Variants in ZFPM2 observed in about 807,000 individuals in gnomAD.
The protein encoded by ZFPM2 is zinc finger protein ZFPM2.
In ZFPM2, 20 loss-of-function variants were observed where a neutral mutation model predicts 98.6. That is an observed-to-expected ratio of 0.20 (90% CI 0.14 to 0.29). The LOEUF is 0.29. ZFPM2 is among the 10% of genes least tolerant of loss of function. The pLI is 1.00. For synonymous variants in ZFPM2, 518 were observed against 502.7 expected (o/e 1.03, Z -0.41); for missense variants, 1,310 against 1,388.6 (o/e 0.94, Z 0.90).
intron 3 of ZFPM2, among the ~76,000 whole-genome samples, chr8:105,524,753 C>A (rs1242284848): frequency 2.0e-5 from 3 of 152,004 alleles, no homozygotes; most frequent in Non-Finnish European, 4.4e-5. Flanking sequence ...TACGAGTGCC[C>A]TTATGTGGTT....
chr8:105,796,158 A>ATTTTC (rs557326934), intron 6 of ZFPM2, among the ~76,000 whole-genome samples: 3 of 151,166 alleles, frequency 2.0e-5, no homozygotes, highest in Middle Eastern at 3.4e-3. Context: ...AAATGTACTT[A>ATTTTC]TTTTCTTTCC....
intron 3 of ZFPM2, among the ~76,000 whole-genome samples, chr8:105,505,569 T>A (rs144301956): frequency 6.6e-6 from 1 of 152,234 alleles, no homozygotes; most frequent in Non-Finnish European, 1.5e-5. Flanking sequence ...TCTAATAAAG[T>A]CAGTAAAATA....
At chr8:105,479,124 TAA>T (rs1813067566) in intron 3 of ZFPM2, among the ~76,000 whole-genome samples, 2 of 152,206 alleles carry the variant, frequency 1.3e-5, no homozygotes, top group Admixed American at 6.5e-5. Flanking sequence ...CTGACGATGG[TAA>T]AGTCTCTGAT....
At chr8:105,663,384 A>G (rs770350404) in intron 5 of ZFPM2, among the ~76,000 whole-genome samples, 12 of 152,358 alleles carry the variant, frequency 7.9e-5, no homozygotes, top group South Asian at 6.2e-4. Flanking sequence ...CACTTGGATC[A>G]TTTATAAAGA....
chr8:105,732,380 G>A (rs1811960458), intron 5 of ZFPM2, among the ~76,000 whole-genome samples: 1 of 151,810 alleles, frequency 6.6e-6, no homozygotes, highest in African/African-American at 2.4e-5. Context: ...AGATGCAGGT[G>A]TGACATTTGA....
intron 3 of ZFPM2, among the ~76,000 whole-genome samples, chr8:105,500,424 T>C (rs531500956): frequency 6.6e-6 from 1 of 152,318 alleles, no homozygotes; most frequent in African/African-American, 2.4e-5. Context: ...CATTTTTATA[T>C]TTACAACTAA....
chr8:105,459,845 G>A (rs1812670892), intron 3 of ZFPM2, among the ~76,000 whole-genome samples: 1 of 152,134 alleles, frequency 6.6e-6, no homozygotes, highest in Non-Finnish European at 1.5e-5. Context: ...AGTTTTGGGG[G>A]AACACAGTTC....
intron 3 of ZFPM2, among the ~76,000 whole-genome samples, chr8:105,500,426 T>C (rs990714642): frequency 6.6e-6 from 1 of 152,208 alleles, no homozygotes; most frequent in Non-Finnish European, 1.5e-5. Flanking sequence ...TTTTTATATT[T>C]ACAACTAAAT....
At chr8:105,639,582 G>C (rs1361504740) in intron 5 of ZFPM2, among the ~76,000 whole-genome samples, 1 of 151,956 alleles carries the variant, frequency 6.6e-6, no homozygotes, top group Non-Finnish European at 1.5e-5. Flanking sequence ...CTCTAATCTT[G>C]ATTTTCTCAG....
chr8:105,791,983 TTTTC>T (rs1314031560), intron 6 of ZFPM2, among the ~76,000 whole-genome samples: 4 of 152,216 alleles, frequency 2.6e-5, no homozygotes, highest in African/African-American at 9.6e-5. Flanking sequence ...TTCTCTCTTT[TTTTC>T]TTTATTAGTC....
chr8:105,625,675 G>A (rs1394270110), intron 4 of ZFPM2, among the ~76,000 whole-genome samples: 1 of 151,682 alleles, frequency 6.6e-6, no homozygotes, highest in Non-Finnish European at 1.5e-5. Context: ...CCGCCTCCCA[G>A]GTTCAAGCAT....
chr8:105,524,501 TCACA>T (rs147562467), intron 3 of ZFPM2, among the ~76,000 whole-genome samples: 22 of 148,880 alleles, frequency 1.5e-4, no homozygotes, highest in African/African-American at 5.3e-4. Flanking sequence ...TCTCTCTCTC[TCACA>T]CACACACACA....
chr8:105,408,129 C>G (rs1453431149), intron 1 of ZFPM2, among the ~76,000 whole-genome samples: 1 of 151,842 alleles, frequency 6.6e-6, no homozygotes, highest in African/African-American at 2.4e-5. Context: ...CTACAGGTTG[C>G]GATTGCTTGA....
At chr8:105,401,369 C>G (rs1293100201) in intron 1 of ZFPM2, among the ~76,000 whole-genome samples, 1 of 151,910 alleles carries the variant, frequency 6.6e-6, no homozygotes, top group Non-Finnish European at 1.5e-5. Context: ...TAACATTCTG[C>G]TTGATGTTTA....
chr8:105,453,524 G>A (rs1251348395), intron 3 of ZFPM2, among the ~76,000 whole-genome samples: 1 of 152,074 alleles, frequency 6.6e-6, no homozygotes, highest in Non-Finnish European at 1.5e-5. Flanking sequence ...AGAGGGAAGA[G>A]TACAATGAAT....
intron 1 of ZFPM2, among the ~76,000 whole-genome samples, chr8:105,320,005 C>A (rs151029551): frequency 6.6e-6 from 1 of 152,084 alleles, no homozygotes; most frequent in Non-Finnish European, 1.5e-5. Flanking sequence ...TTATTTTTTG[C>A]TAGCTTTATG....
At chr8:105,458,433 A>C (rs890691426) in intron 3 of ZFPM2, among the ~76,000 whole-genome samples, 1 of 152,192 alleles carries the variant, frequency 6.6e-6, no homozygotes, top group Non-Finnish European at 1.5e-5. Flanking sequence ...AAAAAAAAAA[A>C]ATTTGTTTTC....
intron 3 of ZFPM2, among the ~76,000 whole-genome samples, chr8:105,488,486 G>C (rs1423880654): frequency 1.3e-5 from 2 of 152,132 alleles, no homozygotes; most frequent in African/African-American, 4.8e-5. Flanking sequence ...TAACAGCCGG[G>C]CGCGGTGGTT....
At chr8:105,384,338 C>G (rs986367720) in intron 1 of ZFPM2, among the ~76,000 whole-genome samples, 1 of 152,138 alleles carries the variant, frequency 6.6e-6, no homozygotes, top group Non-Finnish European at 1.5e-5. Flanking sequence ...AAGAATTCTC[C>G]TGATGGAAGA....
Sources: allele counts gnomAD v4.1 joint callset (sites outside exome capture counted in the v4.1 genomes callset), GRCh38; gene constraint gnomAD v4.1.1; transcripts MANE v1.5; gene names NCBI Gene and HGNC (gene_info 2026-07-23, HGNC 2026-07-21).